The following CSGALNACT2 variants were observed in gnomAD, a reference collection of about 807,000 sequenced individuals.
CSGALNACT2 encodes the protein beta 4 GalNAcT-2.
Under a neutral mutation model 55.3 loss-of-function variants are expected in CSGALNACT2, and 35 were observed. That is an observed-to-expected ratio of 0.63 (90% confidence interval 0.48 to 0.84). The LOEUF is 0.84. Ranked by LOEUF, CSGALNACT2 falls within the 40% of genes least tolerant of loss-of-function variation. CSGALNACT2 has a pLI of 0.00. For missense variants in CSGALNACT2, 544 were observed against 657.5 expected (o/e 0.83, Z 1.89); for synonymous variants, 196 against 224.9 (o/e 0.87, Z 1.15).
intron 6 of CSGALNACT2, among the ~76,000 whole-genome samples, chr10:43,174,063 A>G (rs948978131): frequency 1.3e-5 from 2 of 152,128 alleles, no homozygotes; most frequent in Non-Finnish European, 2.9e-5. Context: ...ATATTTATTT[A>G]TTCAACACGT....
chr10:43,167,447 A>G (rs1588907595), intron 6 of CSGALNACT2, among the ~76,000 whole-genome samples: 1 of 151,740 alleles, frequency 6.6e-6, no homozygotes, highest in South Asian at 2.1e-4. Flanking sequence ...AATTAAATCT[A>G]CTCTGCTAAA....
chr10:43,182,874 CAA>C (rs199991265), intron 7 of CSGALNACT2, among the ~76,000 whole-genome samples: 3 of 64,816 alleles, frequency 4.6e-5, no homozygotes, highest in Non-Finnish European at 5.8e-5. Context: ...GACCCTGTCT[CAA>C]AAAAAAAAAC....
At chr10:43,163,354 G>A in intron 4 of CSGALNACT2, 1 of 640,528 alleles carries the variant, frequency 1.6e-6, no homozygotes, top group Non-Finnish European at 1.9e-6. Flanking sequence ...GAGAGACACT[G>A]GAACAAATAT....
chr10:43,142,890 A>G lies in CSGALNACT2; in HGVS notation c.-254+4323A>G, dbSNP rs184958101. On this transcript the variant is annotated intron_variant, in intron 1 of 7. Coordinates refer to ENST00000374466, the MANE Select transcript of CSGALNACT2 (RefSeq NM_018590.5). ...GGGAAGCTAAAATCAAGAAATAGGA[A>G]AAGATTGATAGATTTGAGTCTATTA... Among the ~76,000 whole-genome samples, 431 of 152,322 alleles carry G rather than the reference A, an allele frequency of 2.8e-3. 3 individuals are homozygous for G. The highest frequency in any genetic ancestry group is 0.01 in the African/African-American group (416 of 41,566).
chr10:43,140,067 G>A (rs531643823), intron 1 of CSGALNACT2, among the ~76,000 whole-genome samples: 6 of 152,274 alleles, frequency 3.9e-5, no homozygotes, highest in Non-Finnish European at 7.4e-5. Flanking sequence ...GGTGGCGGGC[G>A]CCTGTAAGCC....
intron 2 of CSGALNACT2, among the ~76,000 whole-genome samples, chr10:43,156,823 C>CCAT (rs1371731367): frequency 6.6e-6 from 1 of 152,362 alleles, no homozygotes; most frequent in Admixed American, 6.5e-5. Context: ...TGCCAGGCTC[C>CCAT]CATCACTCAC....
rs1160123464 is a variant in CSGALNACT2, at chr10:43,155,971, A to G, written c.661+161A>G. Among the ~76,000 whole-genome samples, 3 of 152,336 alleles carry G rather than the reference A, an allele frequency of 2.0e-5. No homozygotes were observed. The East Asian group carries it at 5.8e-4, about 29-fold the overall frequency. ...CAGTCATTATCCACAGTATTAAAAC[A>G]CTGAAAGTTTTTGCACTTCATTGCA... On this transcript the variant is annotated intron_variant, in intron 2 of 7. Transcript: ENST00000374466.
intron 1 of CSGALNACT2, among the ~76,000 whole-genome samples, chr10:43,148,314 A>T (rs897251933): frequency 2.0e-5 from 3 of 152,050 alleles, no homozygotes; most frequent in Non-Finnish European, 2.9e-5. Context: ...TAATTTTTGG[A>T]ATTGGGAAGT....
chr10:43,159,864 C>T (rs937597678), intron 3 of CSGALNACT2, among the ~76,000 whole-genome samples: 2 of 152,096 alleles, frequency 1.3e-5, no homozygotes, highest in African/African-American at 4.8e-5. Context: ...TGGTTTAATG[C>T]TTTGTGATCC....
At chr10:43,147,436 C>A (rs1338993968) in intron 1 of CSGALNACT2, among the ~76,000 whole-genome samples, 1 of 152,194 alleles carries the variant, frequency 6.6e-6, no homozygotes, top group Non-Finnish European at 1.5e-5. Flanking sequence ...AGGTCCATCA[C>A]TTGTCTTCTC....
At chr10:43,176,243 T>G (rs913302009) in intron 7 of CSGALNACT2, among the ~76,000 whole-genome samples, 1 of 152,218 alleles carries the variant, frequency 6.6e-6, no homozygotes, top group Non-Finnish European at 1.5e-5. Context: ...AGTATAATAT[T>G]TACTTGTTCC....
chr10:43,140,890 A>G (rs952892225), intron 1 of CSGALNACT2, among the ~76,000 whole-genome samples: 2 of 152,246 alleles, frequency 1.3e-5, no homozygotes, highest in African/African-American at 4.8e-5. Flanking sequence ...ATTTGTGGGA[A>G]ATCGGTAGCA....
At chr10:43,148,434 T>G (rs985849459) in intron 1 of CSGALNACT2, among the ~76,000 whole-genome samples, 6 of 152,224 alleles carry the variant, frequency 3.9e-5, no homozygotes, top group African/African-American at 1.4e-4. Context: ...AGAAGTCCAC[T>G]GGGATTCTTG....
chr10:43,178,356 C>T lies in CSGALNACT2; in HGVS notation c.1336+2324C>T, dbSNP rs571869886. ...ACCTAATACAGGCCAGGCACGGTGG[C>T]TCACGCCTGTAATCCCAGCACTTTG... On this transcript the variant is annotated intron_variant, in intron 7 of 7. Transcript: ENST00000374466. 1.3e-4 allele frequency among the ~76,000 whole-genome samples: 20 copies of T among 152,318 alleles called. 1 individual carries two copies. The South Asian group carries it at 3.9e-3, about 30-fold the overall frequency.
intron 7 of CSGALNACT2, among the ~76,000 whole-genome samples, chr10:43,178,108 A>C (rs1839515238): frequency 6.6e-6 from 1 of 151,978 alleles, no homozygotes; most frequent in Non-Finnish European, 1.5e-5. Context: ...TGGGTTATGG[A>C]GTTTCTTGGG....
chr10:43,141,213 T>A (rs1451442174), intron 1 of CSGALNACT2, among the ~76,000 whole-genome samples: 1 of 151,940 alleles, frequency 6.6e-6, no homozygotes, highest in Non-Finnish European at 1.5e-5. Context: ...ACCCTGTCTC[T>A]ACAAATAATT....
At chr10:43,175,805 AATAAC>A (rs1311619792) in intron 6 of CSGALNACT2, 141 bp from the exon 7 acceptor site, 11 of 701,062 alleles carry the variant, frequency 1.6e-5, no homozygotes, top group Non-Finnish European at 2.4e-5. Flanking sequence ...GTAAGGATTT[AATAAC>A]ATAAGTGCAT....
At chr10:43,142,298 G>A (rs571517704) in intron 1 of CSGALNACT2, among the ~76,000 whole-genome samples, 208 of 152,130 alleles carry the variant, frequency 1.4e-3, no homozygotes, top group African/African-American at 4.7e-3. Context: ...TGCAACCTCT[G>A]TTTCCTGGGT....
chr10:43,170,568 C>G (rs2505557), intron 6 of CSGALNACT2, among the ~76,000 whole-genome samples: 2 of 152,224 alleles, frequency 1.3e-5, no homozygotes, highest in African/African-American at 4.8e-5. Context: ...TATACTGATA[C>G]AAATGAGTGA....
Sources: gnomAD v4.1 joint callset for allele counts (sites outside exome capture counted in the v4.1 genomes callset) on GRCh38, gnomAD v4.1.1 for gene constraint, MANE v1.5 for transcripts, NCBI Gene and HGNC (gene_info 2026-07-23, HGNC 2026-07-21) for gene names.